KCTD18: variants seen among roughly 807,000 people sequenced by gnomAD.
KCTD18 encodes the protein potassium channel tetramerization domain containing 18.
In KCTD18, 22 loss-of-function variants were observed where a neutral mutation model predicts 30.4. That is an observed-to-expected ratio of 0.72 (90% CI 0.52 to 1.03). The LOEUF (loss-of-function observed/expected upper bound fraction) is 1.03, where lower values mean the gene tolerates loss of function less well. KCTD18 is among the 50% of genes least tolerant of loss of function. The probability of loss-of-function intolerance (pLI) is 0.00; values close to 1 mark genes in which losing one functional copy is unlikely to be tolerated. For missense variants in KCTD18, 529 were observed against 547.6 expected (o/e 0.97, Z 0.34); for synonymous variants, 186 against 209.0 (o/e 0.89, Z 0.95).
In KCTD18 at chr2:200,493,106, C is replaced by T; in HGVS notation, c.764+66G>A. The stretch of plus-strand genomic sequence containing the variant: ...CAAGAATTATTATTCATTTTCCCTT[C>T]ACAAAGGCAGTAAAAATGTCAGCGA... On this transcript the variant is annotated intron_variant, in intron 6 of 6. Coordinates refer to ENST00000359878, the MANE Select transcript of KCTD18 (RefSeq NM_152387.4). 3.3e-6 allele frequency: 3 copies of T among 897,766 alleles called. No individual in the cohort carries two copies. In the South Asian group the frequency reaches 4.0e-5, roughly 12 times the overall value. The allele number at this position is 897,766 out of a possible 1,614,324, so 55.6% of individuals were successfully genotyped here.
rs1574801141 is a variant in KCTD18 at position 200,497,625 on chromosome 2, G to A, written c.661+128C>T. On this transcript the variant is annotated intron_variant, in intron 5 of 6. Transcript: ENST00000359878. ...AAGTAAACTGCCTCAGTGTTATCATGAGATGACAAATACATTGTAAGACTC... is the reference window on the plus strand; with the variant it reads ...AAGTAAACTGCCTCAGTGTTATCATAAGATGACAAATACATTGTAAGACTC... The A allele has an allele frequency of 5.7e-6, 4 of 700,696 alleles. No individual in the cohort carries two copies. In the East Asian group the frequency reaches 1.0e-4, roughly 18 times the overall value. The allele number at this position is 700,696 out of a possible 1,614,324, so 43.4% of individuals were successfully genotyped here.
At position 200,497,805 on chromosome 2, in the gene KCTD18, T is replaced by C; in HGVS notation, c.609A>G (p.Ser203=). 6.2e-7 allele frequency: 1 copy of C among 1,612,814 alleles called. No homozygotes were observed. The highest frequency in any genetic ancestry group is 1.1e-5 in the South Asian group (1 of 91,064). Residue 203 remains serine (S), a synonymous_variant, in exon 5 of 7, where the codon TCA becomes TCG. Coordinates refer to ENST00000359878, the MANE Select transcript of KCTD18 (RefSeq NM_152387.4). ...CCATCATTTTCTTCAACTCTGCTAC[T>C]GAATAATAGCTCCAAATGTACTGAA... ...NNVQYIWSYY[S]VAELKKMMDA...
At chr2:200,503,146 A>C (rs1204937312) in intron 3 of KCTD18, among the ~76,000 whole-genome samples, 1 of 152,098 alleles carries the variant, frequency 6.6e-6, no homozygotes, top group Non-Finnish European at 1.5e-5. Flanking sequence ...TGGGAGGAAC[A>C]GCTTTACTGC....
At chr2:200,493,423 C>T (rs1354940842) in intron 5 of KCTD18, 149 bp from the exon 6 acceptor site, 2 of 607,454 alleles carry the variant, frequency 3.3e-6, no homozygotes, top group African/African-American at 1.8e-5. Context: ...GAAGCGCTCA[C>T]ACGAGGAGCT....
intron 1 of KCTD18, among the ~76,000 whole-genome samples, 158 bp downstream of exon 1, chr2:200,509,470 C>T (rs1040368689): frequency 1.2e-4 from 18 of 152,170 alleles, no homozygotes; most frequent in African/African-American, 3.9e-4. Flanking sequence ...CAACCCCAGG[C>T]AGTCTCTCCT....
Position 200,504,866 on chromosome 2 carries a change from CG to C in KCTD18, c.253del (p.Arg85AlafsTer32). 6.2e-7 allele frequency: 1 copy of C among 1,614,090 alleles called. No individual in the cohort carries two copies. Among genetic ancestry groups the C allele is most frequent in the East Asian group, 2.2e-5 (1 of 44,880 alleles). On this transcript the variant is annotated frameshift_variant, in exon 3 of 7. Transcript: ENST00000359878. LOFTEE classifies it high-confidence loss of function. ...EVQIPTDEQT[R>X]IALQEEADYF... Reference sequence around the variant, plus strand: ...ATCAGCCTCTTCCTGTAGGGCGATGCGGGTTTGCTCATCTGTGGGAATCTGA... The same window carrying C: ...ATCAGCCTCTTCCTGTAGGGCGATGCGGTTTGCTCATCTGTGGGAATCTGA...
At chr2:200,509,454 C>T (rs1396638694) in intron 1 of KCTD18, among the ~76,000 whole-genome samples, 174 bp downstream of exon 1, 1 of 152,148 alleles carries the variant, frequency 6.6e-6, no homozygotes, top group Non-Finnish European at 1.5e-5. Context: ...GCTACTCCTC[C>T]TACCCCAACC....
chr2:200,497,506 T>C, intron 5 of KCTD18: 1 of 383,148 alleles, frequency 2.6e-6, no homozygotes, highest in Non-Finnish European at 4.7e-6. Context: ...CTTATTTAAT[T>C]AAATTAAATA....
At chr2:200,500,682 A>G (rs1290977370) in intron 3 of KCTD18, among the ~76,000 whole-genome samples, 1 of 151,616 alleles carries the variant, frequency 6.6e-6, no homozygotes, top group Non-Finnish European at 1.5e-5. Context: ...GGAAGAATCA[A>G]TATTGTGAAA....
At chr2:200,492,857 G>GC (rs977895743) in intron 6 of KCTD18, among the ~76,000 whole-genome samples, 2 of 151,974 alleles carry the variant, frequency 1.3e-5, no homozygotes, top group Non-Finnish European at 2.9e-5. Context: ...TGCCAGTAAA[G>GC]CCTGGGATTC....
intron 5 of KCTD18, among the ~76,000 whole-genome samples, chr2:200,494,899 A>C (rs1044476708): frequency 6.6e-6 from 1 of 152,208 alleles, no homozygotes; most frequent in African/African-American, 2.4e-5. Context: ...TATAAATGGG[A>C]TCATACAAAA....
In KCTD18 at chr2:200,504,891, G is replaced by A. The variant is rs1224351673; in HGVS notation, c.229C>T (p.Gln77Ter). Residue 77 changes from glutamine (Q) to a stop codon, truncating the protein, a stop_gained, in exon 3 of 7, where the codon CAG (glutamine) becomes TAG (stop). Transcript: ENST00000359878. LOFTEE classifies it high-confidence loss of function. ...YLLDYLHGEVQIPTDEQTRIA... is the reference protein window; with the variant it reads ...YLLDYLHGEV ...CGGGTTTGCTCATCTGTGGGAATCTGAACTTCTCCATGAAGGTAATCCAAA... is the reference window on the plus strand; with the variant it reads ...CGGGTTTGCTCATCTGTGGGAATCTAAACTTCTCCATGAAGGTAATCCAAA... 1 of 1,614,150 alleles carries A rather than the reference G, an allele frequency of 6.2e-7. No homozygotes were observed. The highest frequency in any genetic ancestry group is 1.1e-5 in the South Asian group (1 of 91,080).
chr2:200,493,192 G>A lies in KCTD18; in HGVS notation c.744C>T (p.His248=). 2 of 1,610,808 alleles carry A rather than the reference G, an allele frequency of 1.2e-6. No homozygotes were observed. Among genetic ancestry groups the A allele is most frequent in the South Asian group, 1.1e-5 (1 of 90,990 alleles). The change falls in exon 6 of 7, where the codon CAC becomes CAT. Residue 248 remains histidine, a synonymous_variant. Coordinates refer to ENST00000359878, the MANE Select transcript of KCTD18 (RefSeq NM_152387.4). The part of the protein sequence containing the change: ...EERPLLGSLR[H]MAPIRKRRLI... ...ATAACCTCTTTCGAATTGGAGCCAT[G>A]TGACGCAGGCTTCCAAGTAAAGGCC...
At chr2:200,502,829 G>A (rs543763968) in intron 3 of KCTD18, among the ~76,000 whole-genome samples, 5 of 152,192 alleles carry the variant, frequency 3.3e-5, no homozygotes, top group African/African-American at 9.6e-5. Context: ...TTGGGAGTTC[G>A]AGACCAGCCT....
intron 3 of KCTD18, among the ~76,000 whole-genome samples, chr2:200,501,898 C>A (rs1160789245): frequency 6.6e-6 from 1 of 150,620 alleles, no homozygotes; most frequent in Non-Finnish European, 1.5e-5. Flanking sequence ...AAATGTCCAA[C>A]AATGATAGAC....
chr2:200,503,750 C>T lies in KCTD18; in HGVS notation c.372+998G>A, dbSNP rs377146582. Among the ~76,000 whole-genome samples, 30 of 152,288 alleles carry T rather than the reference C, an allele frequency of 2.0e-4. No homozygotes were observed. In the South Asian group the frequency reaches 6.2e-3, roughly 32 times the overall value. Reference sequence around the variant, plus strand: ...TCTATTCATGCTGCACTCCTAATAACCAACCACCCATCAGCTTGCTTCCTA... The same window carrying T: ...TCTATTCATGCTGCACTCCTAATAATCAACCACCCATCAGCTTGCTTCCTA... On this transcript the variant is annotated intron_variant, in intron 3 of 6. Coordinates refer to ENST00000359878, the MANE Select transcript of KCTD18 (RefSeq NM_152387.4).
chr2:200,508,287 A>C (rs976446715), intron 1 of KCTD18, among the ~76,000 whole-genome samples: 1 of 152,044 alleles, frequency 6.6e-6, no homozygotes, highest in South Asian at 2.1e-4. Context: ...ACGGCGTTTC[A>C]CCATATTGGG....
chr2:200,509,516 G>C (rs563655296), intron 1 of KCTD18, 112 bp downstream of exon 1: 2 of 152,454 alleles, frequency 1.3e-5, no homozygotes, highest in Non-Finnish European at 2.9e-5. Flanking sequence ...GGCCACACCA[G>C]GGGGGCACTC....
intron 3 of KCTD18, among the ~76,000 whole-genome samples, chr2:200,503,180 A>G (rs2029968953): frequency 6.6e-6 from 1 of 152,182 alleles, no homozygotes; most frequent in Non-Finnish European, 1.5e-5. Flanking sequence ...GACAGGTACT[A>G]TATTGTGTTC....
Sources: allele counts gnomAD v4.1 joint callset (sites outside exome capture counted in the v4.1 genomes callset), GRCh38; gene constraint gnomAD v4.1.1; transcripts MANE v1.5; gene names NCBI Gene and HGNC (gene_info 2026-07-23, HGNC 2026-07-21).